The following DCP1B variants were observed in gnomAD, a reference collection of about 807,000 sequenced individuals.
DCP1B encodes decapping mRNA 1B.
In DCP1B, 47 loss-of-function variants were observed where a neutral mutation model predicts 60.5. The observed-to-expected ratio is 0.78, with a 90% CI of 0.61 to 0.99. DCP1B has a LOEUF of 0.99. DCP1B is among the 50% of genes least tolerant of loss of function. DCP1B has a pLI of 0.00. For synonymous variants in DCP1B, 267 were observed against 280.3 expected, an observed-to-expected ratio of 0.95 and a Z score of 0.47; for missense variants, 725 against 756.8, an observed-to-expected ratio of 0.96 and a Z score of 0.49.
intron 3 of DCP1B, among the ~76,000 whole-genome samples, chr12:1,981,674 C>T (rs1264593507): frequency 6.6e-6 from 1 of 152,158 alleles, no homozygotes; most frequent in African/African-American, 2.4e-5. Context: ...TCAGTTTCAA[C>T]AGACAAGTGC....
chr12:1,982,299 C>A (rs1301822373), intron 3 of DCP1B, among the ~76,000 whole-genome samples: 3 of 152,072 alleles, frequency 2.0e-5, no homozygotes, highest in Non-Finnish European at 4.4e-5. Context: ...TATTGTGCAA[C>A]CATCACCGCT....
Position 1,946,172 on chromosome 12 carries a change from G to C in DCP1B, c.*34C>G, listed in dbSNP as rs1229794852. On this transcript the variant is annotated 3_prime_UTR_variant, in exon 9 of 9. Coordinates refer to ENST00000280665, the MANE Select transcript of DCP1B (RefSeq NM_152640.5). ...AGAACCTTGTGCCGGAGTTCTAGAA[G>C]GACCTTGAAAATCAGTTTTAAAAGG... 1.3e-6 allele frequency: 2 copies of C among 1,507,462 alleles called. No individual in the cohort carries two copies. The highest frequency in any genetic ancestry group is 2.1e-5 in the Admixed American group (1 of 47,954). The allele number at this position is 1,507,462 out of a possible 1,614,324, so 93.4% of individuals were successfully genotyped here.
At chr12:1,961,137 A>C (rs2031109317) in intron 5 of DCP1B, among the ~76,000 whole-genome samples, 1 of 152,212 alleles carries the variant, frequency 6.6e-6, no homozygotes, top group Admixed American at 6.5e-5. Context: ...TCATATTTTG[A>C]TGGGTGAAGA....
chr12:1,955,552 G>C lies in DCP1B; in HGVS notation c.531C>G (p.Thr177=). The change falls in exon 6 of 9, where the codon ACC becomes ACG. Residue 177 remains threonine (T), a synonymous_variant. Transcript: ENST00000280665. ...TGGTTATCTTTTTTGGCTCAGAACA[G>C]GTTTTACACTGAAATAGAAAAGAAA... ...KAKDEYTKCK[T]CSEPKKITSS... is the part of the protein sequence containing the mutation. The C allele has an allele frequency of 6.2e-7, 1 of 1,611,134 alleles. No homozygotes were observed. The highest frequency in any genetic ancestry group is 8.5e-7 in the Non-Finnish European group (1 of 1,178,692).
chr12:1,988,535 T>C (rs1474094301), intron 3 of DCP1B, among the ~76,000 whole-genome samples: 1 of 152,230 alleles, frequency 6.6e-6, no homozygotes, highest in Non-Finnish European at 1.5e-5. Flanking sequence ...CTCATGTTTG[T>C]GAACAATAAA....
intron 3 of DCP1B, 21 bp from the exon 4 acceptor site, chr12:1,967,931 A>G (rs779796104): frequency 6.2e-7 from 1 of 1,601,494 alleles, no homozygotes; most frequent in Non-Finnish European, 8.5e-7. Flanking sequence ...CACACATCAA[A>G]CAAATTATGA....
rs758585641 is a variant in DCP1B, at chr12:1,952,525, G to C, written c.1415C>G (p.Ala472Gly). The change falls in exon 7 of 9, where the codon GCC becomes GGC. Residue 472 changes from alanine to glycine, a missense_variant. Ala to Gly is a moderately conservative substitution (Grantham distance 60). Transcript: ENST00000280665. ...GAGCACAGGAAACTTAGCGGCCAAG[G>C]CTGGCCGGTTAGAGGCATGCAGCTG... is the stretch of plus-strand genomic sequence containing the variant. ...EQQLHASNRP[A>G]LAAKFPVLAQ... 1.9e-6 allele frequency: 3 copies of C among 1,614,154 alleles called. No homozygotes were observed. The highest frequency in any genetic ancestry group is 4.5e-5 in the East Asian group (2 of 44,890).
chr12:1,996,337 C>G (rs2040783521), intron 2 of DCP1B, among the ~76,000 whole-genome samples: 1 of 152,068 alleles, frequency 6.6e-6, no homozygotes, highest in African/African-American at 2.4e-5. Flanking sequence ...TTTACACTTG[C>G]TAACTACTAT....
chr12:1,988,869 C>T (rs1303082627), intron 3 of DCP1B, among the ~76,000 whole-genome samples: 2 of 152,144 alleles, frequency 1.3e-5, no homozygotes, highest in Non-Finnish European at 2.9e-5. Context: ...ACTGTCATTT[C>T]TTTTTTCATA....
intron 3 of DCP1B, among the ~76,000 whole-genome samples, chr12:1,977,878 ACAAT>A (rs1373237285): frequency 6.6e-6 from 1 of 152,212 alleles, no homozygotes; most frequent in Non-Finnish European, 1.5e-5. Context: ...GCTTTGGAAG[ACAAT>A]CAAGTTTATA....
At chr12:1,996,039 C>T (rs2040710438) in intron 2 of DCP1B, among the ~76,000 whole-genome samples, 1 of 152,160 alleles carries the variant, frequency 6.6e-6, no homozygotes, top group Non-Finnish European at 1.5e-5. Flanking sequence ...CTTCCATGTT[C>T]AAAATATTGT....
At chr12:1,952,346 T>C (rs2154456571) in intron 7 of DCP1B, 70 bp downstream of exon 7, 1 of 1,481,766 alleles carries the variant, frequency 6.7e-7, no homozygotes, top group South Asian at 1.5e-5. Context: ...GCTACTTTTT[T>C]TTTTTTTTTA....
chr12:1,950,013 G>C (rs2030602985), intron 7 of DCP1B: 1 of 316,804 alleles, frequency 3.2e-6, no homozygotes, highest in Non-Finnish European at 5.9e-6. Flanking sequence ...AGCCCTTTCA[G>C]TTATGCAAGT....
rs747934745 is a variant in DCP1B, at chr12:1,952,676, G to T, written c.1264C>A (p.His422Asn). 1 of 1,614,146 alleles carries T rather than the reference G, an allele frequency of 6.2e-7. No homozygotes were observed. ...LPPQTVGHQA[H>N]GREQSTLPRQ... ...GGGAGTGTGGACTGTTCTCTTCCATGAGCCTGATGTCCTACTGTCTGAGGT... is the reference window on the plus strand; with the variant it reads ...GGGAGTGTGGACTGTTCTCTTCCATTAGCCTGATGTCCTACTGTCTGAGGT... The change falls in exon 7 of 9, where the codon CAT (histidine) becomes AAT (asparagine). Residue 422 changes from histidine to asparagine, a missense_variant. Physicochemically the swap from His to Asn is moderately conservative, Grantham distance 68. Transcript: ENST00000280665.
chr12:1,978,433 T>C (rs577153660), intron 3 of DCP1B, among the ~76,000 whole-genome samples: 1 of 152,326 alleles, frequency 6.6e-6, no homozygotes, highest in Admixed American at 6.5e-5. Context: ...CACTGGTTAA[T>C]AAATGTCAGG....
At position 1,946,155 on chromosome 12, in the gene DCP1B, G is replaced by T; in HGVS notation, c.*51C>A. The T allele has an allele frequency of 7.3e-7, 1 of 1,362,664 alleles. No homozygotes were observed. Among genetic ancestry groups the T allele is most frequent in the Non-Finnish European group, 1.0e-6 (1 of 1,004,792 alleles). 84.4% of individuals were successfully genotyped at this position (1,362,664 alleles called of 1,614,324 possible). A position where few individuals can be genotyped will look rare whatever the true frequency, so the allele number is the denominator to read the frequency against. On this transcript the variant is annotated 3_prime_UTR_variant, in exon 9 of 9. Coordinates refer to ENST00000280665, the MANE Select transcript of DCP1B (RefSeq NM_152640.5). ...ACAACACTCAACATGAAAGAACCTT[G>T]TGCCGGAGTTCTAGAAGGACCTTGA...
intron 5 of DCP1B, among the ~76,000 whole-genome samples, chr12:1,956,660 C>G (rs900575728): frequency 5.9e-5 from 9 of 152,196 alleles, no homozygotes; most frequent in Admixed American, 2.0e-4. Context: ...AGTGTTACTT[C>G]CAATTCTTCT....
Position 1,955,527 on chromosome 12 carries a change from T to C in DCP1B, c.556A>G (p.Ser186Gly). The change falls in exon 6 of 9, where the codon AGT becomes GGT. Residue 186 changes from serine to glycine, a missense_variant. Coordinates refer to ENST00000280665, the MANE Select transcript of DCP1B (RefSeq NM_152640.5). ...KTCSEPKKIT[S>G]SSAIYDNPNL... is the part of the protein sequence containing the mutation. ...GGATTGTCATAGATGGCAGAGGAAC[T>C]GGTTATCTTTTTTGGCTCAGAACAG... 1 of 1,613,840 alleles carries C rather than the reference T, an allele frequency of 6.2e-7. No homozygotes were observed. Among genetic ancestry groups the C allele is most frequent in the Non-Finnish European group, 8.5e-7 (1 of 1,179,752 alleles).
At chr12:1,993,171 C>A in intron 3 of DCP1B, 93 bp downstream of exon 3, 2 of 1,563,806 alleles carry the variant, frequency 1.3e-6, no homozygotes, top group Non-Finnish European at 1.8e-6. Flanking sequence ...GCCACTGATA[C>A]CAAATGCAAA....
Sources: gnomAD v4.1 joint callset for allele counts (sites outside exome capture counted in the v4.1 genomes callset) on GRCh38, gnomAD v4.1.1 for gene constraint, MANE v1.5 for transcripts, NCBI Gene and HGNC (gene_info 2026-07-23, HGNC 2026-07-21) for gene names.